Variants in CSMD1 observed in about 807,000 individuals in gnomAD.
CSMD1 encodes CUB and Sushi multiple domains 1, also known as CUB and sushi domain-containing protein 1.
CSMD1 carries 213 observed loss-of-function variants against 417.5 expected under a neutral mutation model. The ratio of observed to expected loss-of-function variants is 0.51; its 90% confidence interval spans 0.46 to 0.57. The LOEUF is 0.57. Ranked by LOEUF, CSMD1 falls within the 20% of genes least tolerant of loss-of-function variation. The pLI is 0.00. For missense variants in CSMD1, 6,923 were observed against 4,529.7 expected (o/e 1.53, Z -15.17); for synonymous variants, 2,862 against 1,736.8 (o/e 1.65, Z -16.11).
chr8:4,309,817 T>G (rs1328564562), intron 3 of CSMD1, among the ~76,000 whole-genome samples: 1 of 152,194 alleles, frequency 6.6e-6, no homozygotes, highest in Non-Finnish European at 1.5e-5. Flanking sequence ...CCTTCGCCCT[T>G]ACTTCATTTT....
intron 49 of CSMD1, among the ~76,000 whole-genome samples, chr8:3,086,616 T>G (rs1025647117): frequency 1.3e-5 from 2 of 152,154 alleles, no homozygotes; most frequent in Non-Finnish European, 2.9e-5. Context: ...ATGCACATGA[T>G]AGATAAAATG....
At chr8:4,774,789 C>G (rs912478875) in intron 1 of CSMD1, among the ~76,000 whole-genome samples, 10 of 152,102 alleles carry the variant, frequency 6.6e-5, no homozygotes, top group South Asian at 2.1e-4. Flanking sequence ...CCTGTAGCAC[C>G]TCCCCGCCAA....
chr8:3,729,565 C>T (rs1182367498), intron 6 of CSMD1, among the ~76,000 whole-genome samples: 11 of 152,084 alleles, frequency 7.2e-5, no homozygotes, highest in South Asian at 6.2e-4. Flanking sequence ...CAGAAGGTAT[C>T]GGGTCAGTAA....
At chr8:4,717,032 T>A (rs1451565007) in intron 1 of CSMD1, among the ~76,000 whole-genome samples, 1 of 152,096 alleles carries the variant, frequency 6.6e-6, no homozygotes, top group Non-Finnish European at 1.5e-5. Context: ...TTCTCCTCTT[T>A]ATTCCTGAAT....
At chr8:4,272,914 A>G (rs898053407) in intron 3 of CSMD1, among the ~76,000 whole-genome samples, 2 of 152,196 alleles carry the variant, frequency 1.3e-5, no homozygotes, top group African/African-American at 4.8e-5. Context: ...ATAGAAATCA[A>G]ATAAGAAGTA....
At chr8:4,332,074 T>A (rs957432475) in intron 3 of CSMD1, among the ~76,000 whole-genome samples, 1 of 152,154 alleles carries the variant, frequency 6.6e-6, no homozygotes, top group African/African-American at 2.4e-5. Context: ...TTGGCTCCAC[T>A]GAATCATCTA....
intron 1 of CSMD1, among the ~76,000 whole-genome samples, chr8:4,795,240 C>T (rs1384484815): frequency 2.6e-5 from 3 of 114,366 alleles, no homozygotes; most frequent in African/African-American, 9.6e-5. Context: ...TCTAGGTCTG[C>T]TGGTGTCATA....
At chr8:3,715,945 T>C (rs2720793) in intron 6 of CSMD1, among the ~76,000 whole-genome samples, 137,328 of 152,270 alleles carry the variant, frequency 0.9, 62,175 homozygotes, top group Admixed American at 0.94. Context: ...GTGGACATGA[T>C]GGAGGAAACC....
chr8:3,435,668 C>A (rs532014705), intron 12 of CSMD1, among the ~76,000 whole-genome samples: 13 of 152,158 alleles, frequency 8.5e-5, no homozygotes, highest in African/African-American at 3.1e-4. Context: ...ACGGTGCCAC[C>A]CACCTTCCGT....
intron 3 of CSMD1, among the ~76,000 whole-genome samples, chr8:4,414,975 C>G (rs1024917106): frequency 2.0e-5 from 3 of 152,084 alleles, no homozygotes; most frequent in East Asian, 3.8e-4. Context: ...ATAACTATCA[C>G]TTAAAAGCCA....
chr8:3,551,483 T>C (rs77355804), intron 10 of CSMD1, among the ~76,000 whole-genome samples: 1,798 of 151,916 alleles, frequency 0.012, 42 homozygotes, highest in African/African-American at 0.041. Flanking sequence ...AATACATAAC[T>C]TTTATTGTGA....
chr8:3,158,068 T>A (rs758308120), intron 38 of CSMD1, 102 bp from the exon 39 acceptor site: 142 of 988,356 alleles, frequency 1.4e-4, no homozygotes, highest in Admixed American at 2.2e-4. Flanking sequence ...TTGTTTTAAT[T>A]ATAAATATTT....
At chr8:2,944,176 A>G (rs1802067191) in intron 68 of CSMD1, among the ~76,000 whole-genome samples, 2 of 152,192 alleles carry the variant, frequency 1.3e-5, no homozygotes, top group South Asian at 4.1e-4. Context: ...CTCTCTTGCA[A>G]TCTGAGCACC....
At chr8:3,918,677 G>C (rs10103518) in intron 5 of CSMD1, among the ~76,000 whole-genome samples, 3,554 of 152,186 alleles carry the variant, frequency 0.023, 132 homozygotes, top group African/African-American at 0.08. Context: ...ATGTTTATAT[G>C]ATGGAATACT....
Position 4,752,103 on chromosome 8 carries a change from C to T in CSMD1, c.86-114545G>A, listed in dbSNP as rs551375570. On this transcript the variant is annotated intron_variant, in intron 1 of 69. Transcript: ENST00000635120. ...CATGTCTGTGTGTGTGTACATGTAT[C>T]ACATATATATATCACATGTATATAT... Among the ~76,000 whole-genome samples, 9 of 152,036 alleles carry T rather than the reference C, an allele frequency of 5.9e-5. No homozygotes were observed. The East Asian group carries it at 9.7e-4, about 16-fold the overall frequency.
intron 5 of CSMD1, among the ~76,000 whole-genome samples, chr8:3,930,796 G>A (rs1218811168): frequency 6.6e-6 from 1 of 150,480 alleles, no homozygotes; most frequent in Non-Finnish European, 1.5e-5. Flanking sequence ...ACATGTACAA[G>A]GGTCAAGATT....
At position 3,260,721 on chromosome 8, in the gene CSMD1, T is replaced by C. The variant is rs1431189312; in HGVS notation, c.4153+23423A>G. On this transcript the variant is annotated intron_variant, in intron 26 of 69. Coordinates refer to ENST00000635120, the MANE Select transcript of CSMD1 (RefSeq NM_033225.6). Reference sequence around the variant, plus strand: ...ACAAAACAAAATGAGAACCTCGACCTACCTCAAGAGTTAGGCAAGGGGCTC... The same window carrying C: ...ACAAAACAAAATGAGAACCTCGACCCACCTCAAGAGTTAGGCAAGGGGCTC... 4.6e-5 allele frequency among the ~76,000 whole-genome samples: 7 copies of C among 152,160 alleles called. No homozygotes were observed. The East Asian group carries it at 1.2e-3, about 25-fold the overall frequency.
chr8:3,071,488 T>C (rs984833765), intron 49 of CSMD1, among the ~76,000 whole-genome samples: 5 of 152,118 alleles, frequency 3.3e-5, no homozygotes, highest in Non-Finnish European at 7.4e-5. Flanking sequence ...CTGCACATTC[T>C]GCACATGTAT....
At chr8:4,138,467 G>A (rs1022048534) in intron 3 of CSMD1, among the ~76,000 whole-genome samples, 12 of 152,020 alleles carry the variant, frequency 7.9e-5, no homozygotes, top group African/African-American at 2.9e-4. Context: ...AGGAGGAAAT[G>A]CCTACAAGTG....
Sources: allele counts gnomAD v4.1 joint callset (sites outside exome capture counted in the v4.1 genomes callset), GRCh38; gene constraint gnomAD v4.1.1; transcripts MANE v1.5; gene names NCBI Gene and HGNC (gene_info 2026-07-23, HGNC 2026-07-21).